CADM1: variants seen among roughly 807,000 people sequenced by gnomAD.
The protein encoded by CADM1 is cell adhesion molecule 1, also known as TSLC-1.
In CADM1, 15 loss-of-function variants were observed where a neutral mutation model predicts 53.1. That is an observed-to-expected ratio of 0.28 (90% CI 0.19 to 0.44). The LOEUF (loss-of-function observed/expected upper bound fraction) is 0.44, where lower values mean the gene tolerates loss of function less well. CADM1 is among the 20% of genes least tolerant of loss of function. The pLI is 1.00. For missense variants in CADM1, 434 were observed against 611.3 expected (o/e 0.71, Z 3.06); for synonymous variants, 281 against 243.0 (o/e 1.16, Z -1.45).
intron 1 of CADM1, among the ~76,000 whole-genome samples, chr11:115,424,618 C>T (rs2135278578): frequency 6.6e-6 from 1 of 152,178 alleles, no homozygotes; most frequent in South Asian, 2.1e-4. Flanking sequence ...ACCTCTGCCT[C>T]CCAAGTTCAA....
intron 1 of CADM1, among the ~76,000 whole-genome samples, chr11:115,312,566 C>A (rs1944560069): frequency 6.6e-6 from 1 of 152,130 alleles, no homozygotes; most frequent in African/African-American, 2.4e-5. Flanking sequence ...CAAGATATAT[C>A]AAGGAAGAGT....
chr11:115,281,173 C>T (rs1327815272), intron 1 of CADM1, among the ~76,000 whole-genome samples: 2 of 152,174 alleles, frequency 1.3e-5, no homozygotes, highest in East Asian at 3.8e-4. Context: ...CTGAGCATTC[C>T]TAAAGCTATG....
At position 115,176,097 on chromosome 11, in the gene CADM1, T is replaced by C. The variant is rs1939014395; in HGVS notation, c.*377A>G. On this transcript the variant is annotated 3_prime_UTR_variant, in exon 12 of 12. Coordinates refer to ENST00000331581, the MANE Select transcript of CADM1 (RefSeq NM_001301043.2). ...CCAAAATGGGAGATTTTGGAAAAAA[T>C]CCGAAATTGGGGTAGAGGGAGGAAA... 1 of 1,065,094 alleles carries C rather than the reference T, an allele frequency of 9.4e-7. No homozygotes were observed. Among genetic ancestry groups the C allele is most frequent in the South Asian group, 2.9e-5 (1 of 34,284 alleles). 66.0% of individuals were successfully genotyped at this position (1,065,094 alleles called of 1,614,324 possible).
At chr11:115,320,209 A>T (rs1026692761) in intron 1 of CADM1, among the ~76,000 whole-genome samples, 1 of 152,078 alleles carries the variant, frequency 6.6e-6, no homozygotes. Context: ...AGTACATGCC[A>T]CCATGGCTGA....
intron 1 of CADM1, among the ~76,000 whole-genome samples, chr11:115,394,560 C>T (rs1408638359): frequency 6.6e-6 from 1 of 152,100 alleles, no homozygotes; most frequent in Non-Finnish European, 1.5e-5. Flanking sequence ...ATCTACTTCT[C>T]GTCTTCTCTA....
At position 115,403,551 on chromosome 11, in the gene CADM1, A is replaced by AT. The variant is rs370162116; in HGVS notation, c.124+100719dup. ...GGGAATTTTTGGCATTGTTTTTGCAATTTTTTTTTTGGTAAGTCTGAAAAT... is the reference window on the plus strand; with the variant it reads ...GGGAATTTTTGGCATTGTTTTTGCAATTTTTTTTTTTGGTAAGTCTGAAAAT... On this transcript the variant is annotated intron_variant, in intron 1 of 11. Transcript: ENST00000331581. 8.0e-3 allele frequency among the ~76,000 whole-genome samples: 1,189 copies of AT among 149,534 alleles called. 10 individuals are homozygous for AT. The highest frequency in any genetic ancestry group is 0.024 in the African/African-American group (991 of 40,992).
rs1938869833 is a variant in CADM1 at position 115,173,455 on chromosome 11, GAGA to G, written c.*3016_*3018del. 2.0e-5 allele frequency: 3 copies of G among 152,558 alleles called. No homozygotes were observed. Among genetic ancestry groups the G allele is most frequent in the East Asian group, 1.9e-4 (1 of 5,182 alleles). 9.5% of individuals were successfully genotyped at this position (152,558 alleles called of 1,614,324 possible). A position where few individuals can be genotyped will look rare whatever the true frequency, so the allele number is the denominator to read the frequency against. The stretch of plus-strand genomic sequence containing the variant: ...AGAACAAGGACAGGAAGGATGAGCG[GAGA>G]AGGAGAGAGAGCGCGGCCCCCAGCA... On this transcript the variant is annotated 3_prime_UTR_variant, in exon 12 of 12. Transcript: ENST00000331581.
At chr11:115,218,992 A>G (rs1186913220) in intron 5 of CADM1, among the ~76,000 whole-genome samples, 1 of 144,008 alleles carries the variant, frequency 6.9e-6, no homozygotes, top group African/African-American at 2.4e-5. Flanking sequence ...TCAGTGCTGA[A>G]CTAACAAGCT....
chr11:115,298,717 A>T (rs1416474334), intron 1 of CADM1, among the ~76,000 whole-genome samples: 3 of 152,190 alleles, frequency 2.0e-5, no homozygotes, highest in Non-Finnish European at 4.4e-5. Context: ...TTGTTTTCCT[A>T]TTTCCTTCTC....
At chr11:115,453,654 A>T (rs964706381) in intron 1 of CADM1, among the ~76,000 whole-genome samples, 2 of 151,992 alleles carry the variant, frequency 1.3e-5, no homozygotes, top group African/African-American at 4.8e-5. Flanking sequence ...ATGCCCCAAC[A>T]CACCCAGCTA....
Position 115,280,401 on chromosome 11 carries a change from A to G in CADM1, c.125-39981T>C, listed in dbSNP as rs545134863. Among the ~76,000 whole-genome samples the G allele has an allele frequency of 5.9e-5, 9 of 152,342 alleles. No homozygotes were observed. In the South Asian group the frequency reaches 1.9e-3, roughly 32 times the overall value. ...CTTTCTTTCTAGAGGGGTTATAAAA[A>G]TAAGCTTTTTATGGCTTGCATCTCC... On this transcript the variant is annotated intron_variant, in intron 1 of 11. Transcript: ENST00000331581.
Position 115,178,815 on chromosome 11 carries a change from T to C in CADM1, c.1166-40A>G, listed in dbSNP as rs765192478. ...AGAGGAATAGGGATGTAGAGCTTATTACAAGGCACCAGAAGCCCCGGCGAC... is the reference window on the plus strand; with the variant it reads ...AGAGGAATAGGGATGTAGAGCTTATCACAAGGCACCAGAAGCCCCGGCGAC... On this transcript the variant is annotated intron_variant, in intron 10 of 11. Coordinates refer to ENST00000331581, the MANE Select transcript of CADM1 (RefSeq NM_001301043.2). 6 of 1,612,376 alleles carry C rather than the reference T, an allele frequency of 3.7e-6. No individual in the cohort carries two copies. In the South Asian group the frequency reaches 6.6e-5, roughly 18 times the overall value.
intron 1 of CADM1, among the ~76,000 whole-genome samples, chr11:115,478,020 A>G (rs1460378808): frequency 6.6e-6 from 1 of 152,232 alleles, no homozygotes; most frequent in South Asian, 2.1e-4. Flanking sequence ...CAAAAAGGTA[A>G]TAAGTTAATG....
chr11:115,291,102 G>A (rs1237612366), intron 1 of CADM1, among the ~76,000 whole-genome samples: 1 of 152,202 alleles, frequency 6.6e-6, no homozygotes, highest in African/African-American at 2.4e-5. Context: ...GCATGGAGGA[G>A]GCTCTGTGGA....
chr11:115,459,540 G>A (rs1191020844), intron 1 of CADM1, among the ~76,000 whole-genome samples: 1 of 152,140 alleles, frequency 6.6e-6, no homozygotes, highest in Non-Finnish European at 1.5e-5. Flanking sequence ...AAAAGAAAGA[G>A]AGAAGAAAGT....
At chr11:115,479,071 G>A (rs553999989) in intron 1 of CADM1, among the ~76,000 whole-genome samples, 15 of 152,164 alleles carry the variant, frequency 9.9e-5, no homozygotes, top group South Asian at 2.1e-4. Flanking sequence ...TACAATAAAC[G>A]TATAAAAAAT....
chr11:115,269,813 T>C (rs1175653637), intron 1 of CADM1, among the ~76,000 whole-genome samples: 1 of 152,208 alleles, frequency 6.6e-6, no homozygotes, highest in African/African-American at 2.4e-5. Context: ...CCATGCCTAT[T>C]TGTATACATT....
At chr11:115,375,431 G>A (rs1026574149) in intron 1 of CADM1, among the ~76,000 whole-genome samples, 3 of 152,046 alleles carry the variant, frequency 2.0e-5, no homozygotes, top group East Asian at 1.9e-4. Context: ...ATGGTTACTC[G>A]GGTGTTCATT....
chr11:115,273,941 C>A (rs1003141240), intron 1 of CADM1, among the ~76,000 whole-genome samples: 1 of 152,076 alleles, frequency 6.6e-6, no homozygotes, highest in African/African-American at 2.4e-5. Context: ...GTCTTCATAC[C>A]CATTAAATAG....
Sources: gnomAD v4.1 joint callset for allele counts (sites outside exome capture counted in the v4.1 genomes callset) on GRCh38, gnomAD v4.1.1 for gene constraint, MANE v1.5 for transcripts, NCBI Gene and HGNC (gene_info 2026-07-23, HGNC 2026-07-21) for gene names.